NKIRAS1: variants seen among roughly 807,000 people sequenced by gnomAD.
The protein encoded by NKIRAS1 is NF-kappa-B inhibitor-interacting Ras-like protein 1.
NKIRAS1 carries 16 observed loss-of-function variants against 19.8 expected under a neutral mutation model. The observed-to-expected ratio is 0.81, with a 90% CI of 0.55 to 1.23. The LOEUF is 1.23. Ranked by LOEUF, NKIRAS1 falls within the 50% of genes most tolerant of loss-of-function variation. The pLI, the probability that NKIRAS1 is intolerant of heterozygous loss-of-function variation, is 0.00. For missense variants in NKIRAS1, 184 were observed against 220.0 expected (o/e 0.84, Z 1.04); for synonymous variants, 88 against 79.0 (o/e 1.11, Z -0.61).
At chr3:23,942,694 G>A (rs1044896658) in intron 1 of NKIRAS1, among the ~76,000 whole-genome samples, 2 of 151,860 alleles carry the variant, frequency 1.3e-5, no homozygotes, top group Non-Finnish European at 2.9e-5. Flanking sequence ...GCCTCCCAAA[G>A]TGCTGGGTGA....
rs77756061 is a variant in NKIRAS1, at chr3:23,908,963, A to C, written c.94+1848T>G. 3.6e-3 allele frequency among the ~76,000 whole-genome samples: 543 copies of C among 151,428 alleles called. 16 individuals carry two copies. In the East Asian group the frequency reaches 0.05, roughly 14 times the overall value. On this transcript the variant is annotated intron_variant, in intron 3 of 4. Coordinates refer to ENST00000425478, the MANE Select transcript of NKIRAS1 (RefSeq NM_020345.4). The stretch of plus-strand genomic sequence containing the variant: ...CCCACCTTGGCCTCCCAAAGTGCTG[A>C]GATTACCAAGCTGTGAGCCATCACG...
rs1553646004 is a variant in NKIRAS1, at chr3:23,925,637, A to AAATAAAT, written c.-139-14188_-139-14187insATTTATT. Among the ~76,000 whole-genome samples the AAATAAAT allele has an allele frequency of 3.9e-3, 587 of 151,450 alleles. 8 individuals are homozygous for AAATAAAT. Among genetic ancestry groups the AAATAAAT allele is most frequent in the South Asian group, 2.5e-3 (12 of 4,784 alleles). ...TGACAGAGTAAGACTCTGTCTCAAA[A>AAATAAAT]AAATAAATAAATAAATAAATAAATG... On this transcript the variant is annotated intron_variant, in intron 1 of 4. Transcript: ENST00000421515.
intron 1 of NKIRAS1, among the ~76,000 whole-genome samples, chr3:23,928,291 AAAATAAATAAATAAATAAATAAAT>A (rs71622762): frequency 6.9e-6 from 1 of 144,670 alleles, no homozygotes; most frequent in Non-Finnish European, 1.5e-5. Flanking sequence ...CTCTGTCTCA[AAAATAAATAAATAAATAAATAAAT>A]AAATAAATAA....
In NKIRAS1 at chr3:23,942,522, C is replaced by T. The variant is rs147712254; in HGVS notation, c.-140+3801G>A. ...TCTCGGCTCACCGCAACCTCCGCCTCCCAGGTTCAAGCGATTCTCCTGCTC... is the reference window on the plus strand; with the variant it reads ...TCTCGGCTCACCGCAACCTCCGCCTTCCAGGTTCAAGCGATTCTCCTGCTC... On this transcript the variant is annotated intron_variant, in intron 1 of 4. Coordinates refer to the NKIRAS1 transcript ENST00000421515. Among the ~76,000 whole-genome samples the T allele has an allele frequency of 5.1e-3, 773 of 152,288 alleles. 5 individuals are homozygous for T. The highest frequency in any genetic ancestry group is 9.3e-3 in the Admixed American group (143 of 15,306).
intron 4 of NKIRAS1, among the ~76,000 whole-genome samples, chr3:23,896,003 C>T (rs981722911): frequency 2.6e-5 from 4 of 151,638 alleles, no homozygotes; most frequent in Non-Finnish European, 4.4e-5. Flanking sequence ...GGCATGGTGG[C>T]GGGCGCCTGT....
intron 1 of NKIRAS1, among the ~76,000 whole-genome samples, chr3:23,940,168 C>CAAAA (rs1293108063): frequency 1.4e-5 from 1 of 71,768 alleles, no homozygotes; most frequent in African/African-American, 5.0e-5. Context: ...CCATCTCTAC[C>CAAAA]AAAAAAAAAA....
At chr3:23,900,374 C>A (rs1371017018) in intron 4 of NKIRAS1, among the ~76,000 whole-genome samples, 1 of 152,084 alleles carries the variant, frequency 6.6e-6, no homozygotes, top group Non-Finnish European at 1.5e-5. Flanking sequence ...GCGGCTCACA[C>A]GTGTAATCCC....
At chr3:23,904,947 T>G (rs558517926) in intron 3 of NKIRAS1, among the ~76,000 whole-genome samples, 56 of 152,274 alleles carry the variant, frequency 3.7e-4, no homozygotes, top group African/African-American at 1.3e-3. Flanking sequence ...GAATGTTACA[T>G]CAATGAAAAG....
chr3:23,942,547 C>A (rs1705521273), intron 1 of NKIRAS1, among the ~76,000 whole-genome samples: 1 of 152,082 alleles, frequency 6.6e-6, no homozygotes, highest in African/African-American at 2.4e-5. Flanking sequence ...TTCTCCTGCT[C>A]CACCCTCCAT....
intron 3 of NKIRAS1, among the ~76,000 whole-genome samples, chr3:23,901,719 T>C (rs1702538888): frequency 6.6e-6 from 1 of 152,164 alleles, no homozygotes; most frequent in Admixed American, 6.5e-5. Flanking sequence ...TTAATTTTAA[T>C]AAGTAGTGGA....
chr3:23,933,602 T>C (rs1222352636), intron 1 of NKIRAS1, among the ~76,000 whole-genome samples: 26 of 152,244 alleles, frequency 1.7e-4, no homozygotes, highest in Admixed American at 6.5e-5. Context: ...GATAAGTGTC[T>C]ACATGCAAAG....
chr3:23,942,761 T>C (rs1184756656), intron 1 of NKIRAS1, among the ~76,000 whole-genome samples: 1 of 152,114 alleles, frequency 6.6e-6, no homozygotes, highest in African/African-American at 2.4e-5. Flanking sequence ...TCTTTTTTTT[T>C]TCGAGACGGG....
In NKIRAS1 at chr3:23,893,214, G is replaced by T; in HGVS notation, c.460C>A (p.Arg154=). Residue 154 remains arginine, a synonymous_variant, in exon 5 of 5, where the codon CGG becomes AGG. Coordinates refer to ENST00000425478, the MANE Select transcript of NKIRAS1 (RefSeq NM_020345.4). ...VRLWEVTVTD[R]KTLIEPFTLL... ...GTGAATGGTTCAATCAGAGTTTTCC[G>T]ATCTGTAACAGTCACCTCCCACAGT... 1.2e-6 allele frequency: 2 copies of T among 1,613,916 alleles called. No individual in the cohort carries two copies. Among genetic ancestry groups the T allele is most frequent in the South Asian group, 2.2e-5 (2 of 91,032 alleles).
upstream of NKIRAS1, chr3:23,919,559 C>T: frequency 1.4e-6 from 2 of 1,446,132 alleles, no homozygotes; most frequent in South Asian, 1.5e-5. Context: ...GTCATGTCTG[C>T]TTACAGGTGT....
intron 1 of NKIRAS1, among the ~76,000 whole-genome samples, chr3:23,940,699 AT>A (rs1159389694): frequency 7.0e-6 from 1 of 143,572 alleles, no homozygotes. Flanking sequence ...TAACAAAATC[AT>A]TTTTTTAGTT....
intron 3 of NKIRAS1, among the ~76,000 whole-genome samples, chr3:23,904,328 G>C (rs1212542577): frequency 6.6e-6 from 1 of 152,156 alleles, no homozygotes; most frequent in Non-Finnish European, 1.5e-5. Flanking sequence ...GGTGCCAGTA[G>C]GTCTGGTGTG....
upstream of NKIRAS1, chr3:23,919,914 A>G (rs1211917867): frequency 1.0e-6 from 1 of 990,954 alleles, no homozygotes; most frequent in Non-Finnish European, 1.2e-6. Flanking sequence ...TGGCAGGTGT[A>G]GACTTTTTAA....
chr3:23,943,736 TC>T (rs535415554), intron 1 of NKIRAS1, among the ~76,000 whole-genome samples: 1 of 152,200 alleles, frequency 6.6e-6, no homozygotes, highest in Non-Finnish European at 1.5e-5. Context: ...TCCATCAGCA[TC>T]ACATGAGGGT....
intron 3 of NKIRAS1, 27 bp downstream of exon 3, chr3:23,910,784 A>T (rs764449676): frequency 3.9e-6 from 6 of 1,554,832 alleles, no homozygotes; most frequent in Non-Finnish European, 5.3e-6. Context: ...CAGAACCTAG[A>T]GACAAACTAG....
Sources: gnomAD v4.1 joint callset for allele counts (sites outside exome capture counted in the v4.1 genomes callset) on GRCh38, gnomAD v4.1.1 for gene constraint, MANE v1.5 for transcripts, NCBI Gene and HGNC (gene_info 2026-07-23, HGNC 2026-07-21) for gene names.